Variants in SLC8A1 observed in about 807,000 individuals in gnomAD.
The protein encoded by SLC8A1 is sodium/calcium exchanger 1.
In SLC8A1, 18 loss-of-function variants were observed where a neutral mutation model predicts 68.3. The ratio of observed to expected loss-of-function variants is 0.26; its 90% confidence interval spans 0.18 to 0.39. The LOEUF (loss-of-function observed/expected upper bound fraction) is 0.39, where lower values mean the gene tolerates loss of function less well. SLC8A1 is among the 10% of genes least tolerant of loss of function. The pLI is 1.00. For missense variants in SLC8A1, 985 were observed against 1,156.7 expected (o/e 0.85, Z 2.15); for synonymous variants, 475 against 415.5 (o/e 1.14, Z -1.74).
intron 2 of SLC8A1, among the ~76,000 whole-genome samples, chr2:40,377,680 C>T (rs1680357834): frequency 6.6e-6 from 1 of 152,014 alleles, no homozygotes; most frequent in Admixed American, 6.6e-5. Flanking sequence ...CATACCTGGT[C>T]TTAGTCTCTA....
chr2:40,421,477 C>G (rs966480508), intron 2 of SLC8A1, among the ~76,000 whole-genome samples: 1 of 152,108 alleles, frequency 6.6e-6, no homozygotes, highest in Non-Finnish European at 1.5e-5. Flanking sequence ...CCAGATATCT[C>G]ATATGTAAGC....
At chr2:40,363,126 G>C (rs988233578) in intron 2 of SLC8A1, among the ~76,000 whole-genome samples, 1 of 152,076 alleles carries the variant, frequency 6.6e-6, no homozygotes. Context: ...CTAGAGGAAT[G>C]AAAAAGGTTT....
intron 1 of SLC8A1, among the ~76,000 whole-genome samples, chr2:40,482,701 G>A (rs1172642172): frequency 1.3e-5 from 2 of 151,846 alleles, no homozygotes; most frequent in African/African-American, 2.4e-5. Context: ...CCATGACAAC[G>A]TAATGCCACT....
chr2:40,148,666 C>T (rs907049450), intron 6 of SLC8A1, among the ~76,000 whole-genome samples: 9 of 152,206 alleles, frequency 5.9e-5, no homozygotes, highest in African/African-American at 2.2e-4. Flanking sequence ...CTCTTGGCCA[C>T]CTCACAGATC....
chr2:40,278,784 G>GA (rs5830617), intron 2 of SLC8A1, among the ~76,000 whole-genome samples: 27,269 of 151,686 alleles, frequency 0.18, 2,665 homozygotes, highest in East Asian at 0.43. Context: ...ATGCCACAAT[G>GA]AAAAAAACAG....
At chr2:40,389,166 G>C (rs1450527250) in intron 2 of SLC8A1, among the ~76,000 whole-genome samples, 1 of 152,048 alleles carries the variant, frequency 6.6e-6, no homozygotes, top group Non-Finnish European at 1.5e-5. Flanking sequence ...CTATTTCAAA[G>C]TTGATCCTAT....
intron 2 of SLC8A1, among the ~76,000 whole-genome samples, chr2:40,270,423 G>T (rs1464810636): frequency 6.6e-6 from 1 of 152,216 alleles, no homozygotes; most frequent in African/African-American, 2.4e-5. Flanking sequence ...TGCCAGCAGG[G>T]CTGTGTTCCT....
chr2:40,116,434 G>A (rs986715045), intron 7 of SLC8A1, among the ~76,000 whole-genome samples: 1 of 152,070 alleles, frequency 6.6e-6, no homozygotes. Flanking sequence ...TCTAGCATTA[G>A]GTATATCTCC....
At chr2:40,324,014 T>G (rs571802940) in intron 2 of SLC8A1, among the ~76,000 whole-genome samples, 1 of 148,506 alleles carries the variant, frequency 6.7e-6, no homozygotes. Flanking sequence ...TTGCAATGCT[T>G]AGCAAGTTAA....
chr2:40,242,036 C>T (rs563792331), intron 2 of SLC8A1, among the ~76,000 whole-genome samples: 3 of 152,140 alleles, frequency 2.0e-5, no homozygotes, highest in South Asian at 4.1e-4. Context: ...GGCAGATCTC[C>T]AGAAAATAAA....
chr2:40,172,296 A>C (rs1487021879), intron 4 of SLC8A1, among the ~76,000 whole-genome samples: 1 of 152,198 alleles, frequency 6.6e-6, no homozygotes, highest in African/African-American at 2.4e-5. Flanking sequence ...AGAAAGTAGG[A>C]ATGGACAGGC....
At chr2:40,390,189 C>G (rs76950168) in intron 2 of SLC8A1, among the ~76,000 whole-genome samples, 2,811 of 152,154 alleles carry the variant, frequency 0.018, 76 homozygotes, top group African/African-American at 0.063. Flanking sequence ...GTTTTAGAAG[C>G]TTTTAGAAGT....
chr2:40,122,197 T>TGCGCGC (rs58019753), intron 7 of SLC8A1, among the ~76,000 whole-genome samples: 106 of 116,122 alleles, frequency 9.1e-4, no homozygotes, highest in African/African-American at 2.8e-3. Context: ...CACAAGTGCA[T>TGCGCGC]GCGCGCGCGC....
intron 1 of SLC8A1, among the ~76,000 whole-genome samples, chr2:40,447,847 C>A (rs913795888): frequency 6.6e-6 from 1 of 152,204 alleles, no homozygotes. Context: ...ATCACAAAAG[C>A]ATTTTCTTTG....
chr2:40,318,696 GCTA>G (rs2074805325), intron 2 of SLC8A1, among the ~76,000 whole-genome samples: 2 of 151,968 alleles, frequency 1.3e-5, no homozygotes, highest in Non-Finnish European at 2.9e-5. Context: ...CCAAAATAGT[GCTA>G]CTATTTTTAT....
At chr2:40,401,850 G>C (rs1688847705) in intron 2 of SLC8A1, among the ~76,000 whole-genome samples, 1 of 152,046 alleles carries the variant, frequency 6.6e-6, no homozygotes, top group Non-Finnish European at 1.5e-5. Flanking sequence ...ATTCTTTCTT[G>C]ACTTTATGGG....
chr2:40,171,020 G>A (rs942840367), intron 4 of SLC8A1, among the ~76,000 whole-genome samples: 4 of 152,152 alleles, frequency 2.6e-5, no homozygotes, highest in African/African-American at 9.7e-5. Context: ...TTGAACTCCT[G>A]GTTCAGCTGA....
At chr2:40,430,187 G>T (rs1697930570) in exon 2 of SLC8A1, 1 of 1,613,514 alleles carries the variant, frequency 6.2e-7, no homozygotes, top group Admixed American at 1.7e-5. Context: ...GCAATTACAT[G>T]GTCCACATGG....
chr2:40,110,746 C>T (rs909288234), exon 8 of SLC8A1: 1 of 152,112 alleles, frequency 6.6e-6, no homozygotes, highest in Admixed American at 6.6e-5. Flanking sequence ...GTCAGAAAGT[C>T]AGAATCAACA....
Sources: gnomAD v4.1 joint callset for allele counts (sites outside exome capture counted in the v4.1 genomes callset) on GRCh38, gnomAD v4.1.1 for gene constraint, MANE v1.5 for transcripts, NCBI Gene and HGNC (gene_info 2026-07-23, HGNC 2026-07-21) for gene names.